RBMS1: variants seen among roughly 807,000 people sequenced by gnomAD.
The protein encoded by RBMS1 is RNA-binding motif, single-stranded-interacting protein 1.
RBMS1 carries 17 observed loss-of-function variants against 62.3 expected under a neutral mutation model. The ratio of observed to expected loss-of-function variants is 0.27; its 90% CI spans 0.19 to 0.41. The LOEUF is 0.41. Ranked by LOEUF, RBMS1 falls within the 10% of genes least tolerant of loss-of-function variation. The pLI is 1.00. For synonymous variants in RBMS1, 172 were observed against 170.0 expected, an observed-to-expected ratio of 1.01 and a Z score of -0.09; for missense variants, 334 against 504.5, an observed-to-expected ratio of 0.66 and a Z score of 3.24.
At chr2:160,454,485 CCTCT>C (rs1468272601) in intron 1 of RBMS1, among the ~76,000 whole-genome samples, 1 of 152,134 alleles carries the variant, frequency 6.6e-6, no homozygotes, top group Non-Finnish European at 1.5e-5. Flanking sequence ...CCAGGAAGTG[CCTCT>C]CTAAGGAAGC....
At chr2:160,450,750 AG>A (rs1394699153) in intron 1 of RBMS1, among the ~76,000 whole-genome samples, 2 of 152,140 alleles carry the variant, frequency 1.3e-5, no homozygotes, top group African/African-American at 4.8e-5. Flanking sequence ...AGGAAGATAA[AG>A]ATACAGACTG....
chr2:160,273,388 G>T lies in RBMS1; in HGVS notation c.*1384C>A, dbSNP rs1687668791. The stretch of plus-strand genomic sequence containing the variant: ...CGCAAACTGGTCCGGCAAAAATAAA[G>T]AGCACAGAAGATGTGATGCTGAGAC... On this transcript the variant is annotated 3_prime_UTR_variant, in exon 14 of 14. Transcript: ENST00000348849. The T allele has an allele frequency of 6.6e-6, 1 of 152,180 alleles. No individual in the cohort carries two copies. The highest frequency in any genetic ancestry group is 2.1e-4 in the South Asian group (1 of 4,836). 9.4% of individuals were successfully genotyped at this position (152,180 alleles called of 1,614,324 possible).
intron 2 of RBMS1, among the ~76,000 whole-genome samples, chr2:160,331,373 C>T (rs1320124375): frequency 6.6e-6 from 1 of 152,078 alleles, no homozygotes; most frequent in African/African-American, 2.4e-5. Context: ...TAGCATTTTC[C>T]GACCTTCCCT....
intron 2 of RBMS1, among the ~76,000 whole-genome samples, chr2:160,331,024 T>G (rs1165109224): frequency 2.0e-5 from 3 of 152,046 alleles, no homozygotes; most frequent in Non-Finnish European, 4.4e-5. Flanking sequence ...AGCCAGGAAC[T>G]TACTAAGGAT....
intron 1 of RBMS1, among the ~76,000 whole-genome samples, chr2:160,382,845 A>AT (rs879824469): frequency 0.037 from 5,478 of 147,854 alleles, 309 homozygotes; most frequent in African/African-American, 0.12. Flanking sequence ...AGTTTACTTA[A>AT]TTTTTTTTTT....
intron 1 of RBMS1, among the ~76,000 whole-genome samples, chr2:160,414,750 A>C (rs1363528715): frequency 1.3e-5 from 2 of 151,834 alleles, no homozygotes; most frequent in South Asian, 4.1e-4. Context: ...AAAATCGTTG[A>C]GTTAGCTAGC....
chr2:160,307,361 GAAAA>G (rs762396045), intron 4 of RBMS1, among the ~76,000 whole-genome samples: 12 of 85,788 alleles, frequency 1.4e-4, no homozygotes, highest in African/African-American at 4.9e-4. Context: ...CCTATTTATT[GAAAA>G]AAAAAAAAAA....
intron 1 of RBMS1, among the ~76,000 whole-genome samples, chr2:160,441,104 T>C (rs571931430): frequency 1.2e-4 from 19 of 152,260 alleles, no homozygotes; most frequent in Non-Finnish European, 2.6e-4. Flanking sequence ...CTGGATTTCA[T>C]GTAGATGAAA....
At chr2:160,376,325 A>G (rs1693998545) in intron 1 of RBMS1, among the ~76,000 whole-genome samples, 2 of 152,344 alleles carry the variant, frequency 1.3e-5, no homozygotes, top group African/African-American at 4.8e-5. Flanking sequence ...GGGTTTCACA[A>G]TTTAGCCCCT....
At position 160,367,227 on chromosome 2, in the gene RBMS1, C is replaced by A; in HGVS notation, c.240G>T (p.Lys80Asn). Residue 80 changes from lysine (K) to asparagine (N), a missense_variant, in exon 2 of 14, where the codon AAG becomes AAT. By Grantham distance (94) the Lys-to-Asn change is moderately conservative. Transcript: ENST00000348849. The stretch of plus-strand genomic sequence containing the variant: ...CAACTACTACTTACGGTTGACAGAG[C>A]TTCACCAGGTCCTGGTCGGTGGTGT... The part of the protein sequence containing the change: ...PPHTTDQDLV[K>N]LCQPYGKIVS... 6.2e-7 allele frequency: 1 copy of A among 1,613,344 alleles called. No homozygotes were observed. Among genetic ancestry groups the A allele is most frequent in the Non-Finnish European group, 8.5e-7 (1 of 1,179,846 alleles).
rs1194930855 is a variant in RBMS1 at position 160,272,515 on chromosome 2, A to C, written c.*2257T>G. ...TTATGTACAGAGGTTATGTTTCCCA[A>C]ATCTTACCCAGACGAGTATGGCACT... On this transcript the variant is annotated 3_prime_UTR_variant, in exon 14 of 14. Transcript: ENST00000348849. The C allele has an allele frequency of 3.3e-5, 5 of 151,978 alleles. No homozygotes were observed. The highest frequency in any genetic ancestry group is 7.4e-5 in the Non-Finnish European group (5 of 68,002). 9.4% of individuals were successfully genotyped at this position (151,978 alleles called of 1,614,324 possible).
chr2:160,377,895 G>A (rs1392570644), intron 1 of RBMS1, among the ~76,000 whole-genome samples: 1 of 152,168 alleles, frequency 6.6e-6, no homozygotes, highest in African/African-American at 2.4e-5. Flanking sequence ...TTCCAGTCCC[G>A]ACACTGCTGT....
chr2:160,440,928 G>A (rs972338624), intron 1 of RBMS1, among the ~76,000 whole-genome samples: 10 of 152,186 alleles, frequency 6.6e-5, no homozygotes, highest in African/African-American at 2.2e-4. Flanking sequence ...TAGATCTTAA[G>A]TGTTCAGTTC....
intron 2 of RBMS1, among the ~76,000 whole-genome samples, chr2:160,332,852 G>GT (rs1057192911): frequency 6.7e-6 from 1 of 149,370 alleles, no homozygotes; most frequent in African/African-American, 2.4e-5. Flanking sequence ...TATAAAGTAT[G>GT]TTTTTTATAC....
intron 2 of RBMS1, among the ~76,000 whole-genome samples, chr2:160,320,300 T>C (rs1690483805): frequency 6.6e-6 from 1 of 152,128 alleles, no homozygotes; most frequent in South Asian, 2.1e-4. Flanking sequence ...AAACCCCGTC[T>C]CTACCCTCCC....
chr2:160,377,857 A>G (rs1281456665), intron 1 of RBMS1, among the ~76,000 whole-genome samples: 1 of 152,220 alleles, frequency 6.6e-6, no homozygotes, highest in Non-Finnish European at 1.5e-5. Context: ...ATCCAAGGCC[A>G]TACAGCTAAT....
chr2:160,357,365 A>G (rs928147010), intron 2 of RBMS1, among the ~76,000 whole-genome samples: 7 of 152,154 alleles, frequency 4.6e-5, no homozygotes, highest in African/African-American at 1.4e-4. Context: ...TATCATGCCT[A>G]GGAGTAACAA....
At position 160,493,466 on chromosome 2, in the gene RBMS1, C is replaced by G. The variant is rs573763329; in HGVS notation, c.-103G>C. ...TTTCCGGCGGCGGCGGCAGCGGCGG[C>G]GGCGGCGGCGGCTGCTGCTGCTGCC... On this transcript the variant is annotated 5_prime_UTR_variant, in exon 1 of 14. Coordinates refer to ENST00000348849, the MANE Select transcript of RBMS1 (RefSeq NM_016836.4). 1.3e-3 allele frequency: 1,318 copies of G among 1,039,580 alleles called. 1 individual carries two copies. The highest frequency in any genetic ancestry group is 1.7e-3 in the Non-Finnish European group (1,202 of 687,974). The allele number at this position is 1,039,580 out of a possible 1,614,324, so 64.4% of individuals were successfully genotyped here.
At chr2:160,380,450 A>G (rs537975919) in intron 1 of RBMS1, among the ~76,000 whole-genome samples, 161 of 152,372 alleles carry the variant, frequency 1.1e-3, no homozygotes, top group Middle Eastern at 3.4e-3. Context: ...CGAAGTAAAC[A>G]GAAAAAAGCA....
Sources: allele counts gnomAD v4.1 joint callset (sites outside exome capture counted in the v4.1 genomes callset), GRCh38; gene constraint gnomAD v4.1.1; transcripts MANE v1.5; gene names NCBI Gene and HGNC (gene_info 2026-07-23, HGNC 2026-07-21).